The following SLC2A13 variants were observed in gnomAD, a reference collection of about 807,000 sequenced individuals.
SLC2A13 encodes proton myo-inositol cotransporter.
A neutral mutation model predicts 64.4 loss-of-function variants in SLC2A13; 32 were observed. The ratio of observed to expected loss-of-function variants is 0.50; its 90% CI spans 0.37 to 0.67. SLC2A13 has a LOEUF of 0.67. Among genes scored for constraint, SLC2A13 ranks in the 30% least tolerant of loss-of-function variants. SLC2A13 has a pLI of 0.00. For synonymous variants in SLC2A13, 338 were observed against 327.1 expected (o/e 1.03, Z -0.36); for missense variants, 743 against 829.2 (o/e 0.90, Z 1.28).
chr12:39,925,035 T>TTG (rs1945697305), intron 4 of SLC2A13, among the ~76,000 whole-genome samples: 1 of 75,578 alleles, frequency 1.3e-5, no homozygotes, highest in African/African-American at 9.1e-5. Context: ...AGATAATTTT[T>TTG]TTTTTTTTTT....
intron 3 of SLC2A13, among the ~76,000 whole-genome samples, chr12:39,957,809 C>T (rs1044832274): frequency 1.3e-5 from 2 of 152,056 alleles, no homozygotes; most frequent in African/African-American, 4.8e-5. Context: ...CCCCTAGTTC[C>T]TTATCATACC....
At chr12:40,102,795 C>A (rs530716912) in intron 1 of SLC2A13, among the ~76,000 whole-genome samples, 3 of 152,166 alleles carry the variant, frequency 2.0e-5, no homozygotes, top group Middle Eastern at 3.4e-3. Flanking sequence ...GAACCCATTT[C>A]CTTGTAGCTT....
intron 4 of SLC2A13, among the ~76,000 whole-genome samples, chr12:39,938,426 T>G (rs1043332255): frequency 4.6e-5 from 7 of 151,024 alleles, no homozygotes; most frequent in Non-Finnish European, 1.0e-4. Context: ...ACAACAAAAA[T>G]CATTTGTTTG....
intron 7 of SLC2A13, among the ~76,000 whole-genome samples, chr12:39,815,782 G>A (rs1347570731): frequency 6.6e-6 from 1 of 152,034 alleles, no homozygotes; most frequent in Non-Finnish European, 1.5e-5. Flanking sequence ...TCCCAGTCTG[G>A]AAAAAACAAA....
chr12:40,068,956 T>A (rs1195830385), intron 1 of SLC2A13, among the ~76,000 whole-genome samples: 1 of 151,986 alleles, frequency 6.6e-6, no homozygotes, highest in Non-Finnish European at 1.5e-5. Flanking sequence ...TGTCTTCTTG[T>A]AAGAAATGTG....
intron 3 of SLC2A13, among the ~76,000 whole-genome samples, chr12:40,015,140 A>G (rs1947601941): frequency 6.6e-6 from 1 of 152,176 alleles, no homozygotes; most frequent in East Asian, 1.9e-4. Context: ...GACTATCAGA[A>G]CAATAACCTT....
Position 39,864,844 on chromosome 12 carries a change from C to A in SLC2A13, c.1237G>T (p.Val413Leu), listed in dbSNP as rs1943862937. The change falls in exon 6 of 10, where the codon GTG (valine) becomes TTG (leucine). Residue 413 changes from valine to leucine, a missense_variant. By Grantham distance (32) the Val-to-Leu change is conservative. Around this residue, in one of 2 missense-constraint regions of SLC2A13, gnomAD observed 295 missense variants for 381.7 expected, o/e 0.77. Coordinates refer to ENST00000280871, the MANE Select transcript of SLC2A13 (RefSeq NM_052885.4). The stretch of plus-strand genomic sequence containing the variant: ...CGTGGGGAAACTTGGGCTGATAGCA[C>A]AAATCCCAAGGCAAGAATAATGAGT... ...VALIILALGF[V>L]LSAQVSPRIT... is the part of the protein sequence containing the mutation. 1 of 1,612,096 alleles carries A rather than the reference C, an allele frequency of 6.2e-7. No homozygotes were observed. Among genetic ancestry groups the A allele is most frequent in the Non-Finnish European group, 8.5e-7 (1 of 1,179,508 alleles).
intron 1 of SLC2A13, among the ~76,000 whole-genome samples, chr12:40,051,922 G>A (rs973300379): frequency 1.4e-4 from 21 of 152,132 alleles, no homozygotes; most frequent in African/African-American, 5.1e-4. Context: ...GTTGGAGTAC[G>A]GAAAATTGAT....
intron 5 of SLC2A13, among the ~76,000 whole-genome samples, chr12:39,868,065 G>T (rs1943952534): frequency 6.6e-6 from 1 of 152,180 alleles, no homozygotes; most frequent in Admixed American, 6.5e-5. Context: ...GTTAGTTACA[G>T]ATGTTTTATC....
At chr12:39,970,077 T>C (rs542595530) in intron 3 of SLC2A13, among the ~76,000 whole-genome samples, 28 of 152,364 alleles carry the variant, frequency 1.8e-4, no homozygotes, top group African/African-American at 5.8e-4. Context: ...CATTTCTTGC[T>C]TTCATCAGGT....
At chr12:40,018,139 C>T (rs533189973) in intron 3 of SLC2A13, among the ~76,000 whole-genome samples, 52 of 152,208 alleles carry the variant, frequency 3.4e-4, no homozygotes, top group Middle Eastern at 3.4e-3. Context: ...CAAATCTGGC[C>T]GGCTTTCTGT....
rs765259061 is a variant in SLC2A13 at position 39,759,987 on chromosome 12, C to A, written c.*39G>T. 8.6e-6 allele frequency: 13 copies of A among 1,512,702 alleles called. No individual in the cohort carries two copies. Among genetic ancestry groups the A allele is most frequent in the Non-Finnish European group, 1.2e-5 (13 of 1,092,264 alleles). The allele number at this position is 1,512,702 out of a possible 1,614,324, so 93.7% of individuals were successfully genotyped here. On this transcript the variant is annotated 3_prime_UTR_variant, in exon 10 of 10. Transcript: ENST00000280871. ...TCACCAATTGCTGTTCTTCTCCCCCCAGTTTGTTTAAATAACTAAATATAT... is the reference window on the plus strand; with the variant it reads ...TCACCAATTGCTGTTCTTCTCCCCCAAGTTTGTTTAAATAACTAAATATAT...
chr12:39,764,635 C>T (rs1940282705), intron 8 of SLC2A13, 23 bp from the exon 9 acceptor site: 1 of 1,579,814 alleles, frequency 6.3e-7, no homozygotes, highest in Admixed American at 2.0e-5. Flanking sequence ...ACATTAAAAA[C>T]TTTAGTAAAA....
intron 1 of SLC2A13, among the ~76,000 whole-genome samples, chr12:40,063,226 A>G (rs952338357): frequency 6.6e-6 from 1 of 152,100 alleles, no homozygotes; most frequent in African/African-American, 2.4e-5. Context: ...AGTGAAGTTT[A>G]TTTGTCAGTT....
chr12:39,947,654 A>ATT (rs759813091), intron 4 of SLC2A13, among the ~76,000 whole-genome samples: 1 of 145,218 alleles, frequency 6.9e-6, no homozygotes, highest in Non-Finnish European at 1.5e-5. Flanking sequence ...CACAGTGAGA[A>ATT]TTTCTTTTTT....
chr12:40,017,385 CTTCT>C, intron 3 of SLC2A13, among the ~76,000 whole-genome samples: 1 of 152,322 alleles, frequency 6.6e-6, no homozygotes, highest in East Asian at 1.9e-4. Context: ...TCCAACCTTC[CTTCT>C]GACTCCTTTG....
At chr12:39,972,989 C>A (rs560223221) in intron 3 of SLC2A13, among the ~76,000 whole-genome samples, 5 of 149,836 alleles carry the variant, frequency 3.3e-5, no homozygotes, top group African/African-American at 1.2e-4. Context: ...ATTGCTTGAA[C>A]CTGGCAGGTG....
chr12:40,075,469 C>T (rs896550422), intron 1 of SLC2A13, among the ~76,000 whole-genome samples: 2 of 152,110 alleles, frequency 1.3e-5, no homozygotes, highest in Non-Finnish European at 2.9e-5. Context: ...GCTGATTTTT[C>T]AATTTGTCCC....
intron 6 of SLC2A13, among the ~76,000 whole-genome samples, chr12:39,831,503 A>G (rs1186812277): frequency 6.6e-6 from 1 of 152,186 alleles, no homozygotes; most frequent in African/African-American, 2.4e-5. Context: ...ATGAAAGAAT[A>G]TTTCTTAATG....
Sources: gnomAD v4.1 joint callset for allele counts (sites outside exome capture counted in the v4.1 genomes callset) on GRCh38, gnomAD v4.1.1 for gene constraint, gnomAD v4.1.1 regional missense constraint, MANE v1.5 for transcripts, NCBI Gene and HGNC (gene_info 2026-07-23, HGNC 2026-07-21) for gene names.